ABCA3: variants seen among roughly 807,000 people sequenced by gnomAD.
ABCA3 encodes the protein ATP binding cassette subfamily A member 3.
A neutral mutation model predicts 172.8 loss-of-function variants in ABCA3; 88 were observed. That is an observed-to-expected ratio of 0.51 (90% confidence interval 0.43 to 0.61). The LOEUF (loss-of-function observed/expected upper bound fraction) is 0.61, where lower values mean the gene tolerates loss of function less well. Among genes scored for constraint, ABCA3 ranks in the 20% least tolerant of loss-of-function variants. The probability of loss-of-function intolerance (pLI) is 0.00; values close to 1 mark genes in which losing one functional copy is unlikely to be tolerated. For missense variants in ABCA3, 2,164 were observed against 2,301.0 expected (o/e 0.94, Z 1.22); for synonymous variants, 1,066 against 983.8 (o/e 1.08, Z -1.56).
intron 1 of ABCA3, among the ~76,000 whole-genome samples, chr16:2,333,688 T>A (rs1050542677): frequency 1.3e-3 from 187 of 149,076 alleles, no homozygotes; most frequent in African/African-American, 4.3e-3. Flanking sequence ...AAAATAACAT[T>A]CTTTTTTTTT....
At chr16:2,319,334 A>AAC in intron 8 of ABCA3, among the ~76,000 whole-genome samples, 1 of 152,066 alleles carries the variant, frequency 6.6e-6, no homozygotes, top group Non-Finnish European at 1.5e-5. Flanking sequence ...AAATACAAAA[A>AAC]ATTAGCTGGG....
intron 12 of ABCA3, 134 bp from the exon 13 acceptor site, chr16:2,300,282 T>C: frequency 7.7e-7 from 1 of 1,302,628 alleles, no homozygotes; most frequent in Non-Finnish European, 1.1e-6. Context: ...GAGAAGGCGC[T>C]ACTCAGGGAG....
Position 2,283,543 on chromosome 16 carries a change from A to G in ABCA3, c.3863-185T>C. On this transcript the variant is annotated intron_variant, in intron 25 of 32. Transcript: ENST00000301732. The surrounding 1 kb of genome is among the most constrained non-coding windows in gnomAD (Gnocchi z 5.4). ...AGGCACCACAGCTCAGAGAGGGGCC[A>G]GGCACGTAACAATCCAATGCAGTCC... 3.0e-6 allele frequency: 2 copies of G among 656,556 alleles called. No homozygotes were observed. The highest frequency in any genetic ancestry group is 5.1e-6 in the Non-Finnish European group (2 of 390,852). 40.7% of individuals were successfully genotyped at this position (656,556 alleles called of 1,614,324 possible). A position where few individuals can be genotyped will look rare whatever the true frequency, so the allele number is the denominator to read the frequency against.
chr16:2,314,257 GC>G (rs34251056), intron 10 of ABCA3, among the ~76,000 whole-genome samples: 44,610 of 152,060 alleles, frequency 0.29, 6,733 homozygotes, highest in East Asian at 0.41. Flanking sequence ...ACAAAATGTG[GC>G]CCCATCTACA....
rs2093728389 is a variant in ABCA3 at position 2,322,962 on chromosome 16, A to G, written c.613+561T>C. On this transcript the variant is annotated intron_variant, in intron 7 of 32. Transcript: ENST00000301732. The stretch of plus-strand genomic sequence containing the variant: ...TGAACTCAAATAAATTTACAAGAAA[A>G]AACCAAACAACCCCATCAAAAAGTG... Among the ~76,000 whole-genome samples the G allele has an allele frequency of 2.6e-5, 4 of 152,348 alleles. No homozygotes were observed. In the South Asian group the frequency reaches 8.3e-4, roughly 32 times the overall value.
chr16:2,302,760 C>T (rs1027719580), intron 12 of ABCA3, among the ~76,000 whole-genome samples: 3 of 151,770 alleles, frequency 2.0e-5, no homozygotes, highest in African/African-American at 7.3e-5. Context: ...GCTGGGATTA[C>T]AGGGATGAGC....
intron 3 of ABCA3, among the ~76,000 whole-genome samples, chr16:2,326,967 G>A (rs1266828796): frequency 6.6e-6 from 1 of 151,998 alleles, no homozygotes; most frequent in Non-Finnish European, 1.5e-5. Context: ...CAGCCTGGGG[G>A]CAACAGAGTA....
In ABCA3 at chr16:2,278,340, T is replaced by C. The variant is rs770958266; in HGVS notation, c.4666A>G (p.Thr1556Ala). ...DPVARRLLWD[T>A]VARARESGKA... ...CCAGACTCTCGGGCTCGTGCCACGG[T>C]GTCCCAAAGCAGGCGCCGGGCCACG... is the stretch of plus-strand genomic sequence containing the variant. The change falls in exon 30 of 33, where the codon ACC (threonine) becomes GCC (alanine). Residue 1556 changes from threonine to alanine, a missense_variant. By Grantham distance (58) the Thr-to-Ala change is moderately conservative. Around this residue, in one of 3 missense-constraint regions of ABCA3, gnomAD observed 795 missense variants for 881.9 expected, o/e 0.90. Transcript: ENST00000301732. This position sits in a 1 kb window ranked among gnomAD's most constrained non-coding sequence, Gnocchi z 4.4. The C allele has an allele frequency of 4.2e-5, 67 of 1,611,254 alleles. No individual in the cohort carries two copies. The highest frequency in any genetic ancestry group is 6.7e-5 in the Admixed American group (4 of 59,986).
intron 6 of ABCA3, 123 bp from the exon 7 acceptor site, chr16:2,323,811 T>A: frequency 1.8e-6 from 2 of 1,118,414 alleles, no homozygotes; most frequent in Non-Finnish European, 2.7e-6. Context: ...CCCCCGCCTC[T>A]GAGTATCTCC....
At chr16:2,324,676 T>C (rs2093731565) in intron 5 of ABCA3, 145 bp from the exon 6 acceptor site, 2 of 1,286,342 alleles carry the variant, frequency 1.6e-6, no homozygotes, top group South Asian at 1.3e-5. Context: ...GCAGCTTTCA[T>C]CTTTGGCAGA....
At chr16:2,325,846 G>A (rs564914176) in intron 5 of ABCA3, among the ~76,000 whole-genome samples, 164 bp downstream of exon 5, 15 of 152,298 alleles carry the variant, frequency 9.8e-5, no homozygotes, top group Admixed American at 3.3e-4. Context: ...GAACAGCAGT[G>A]CCTTTTACAG....
At position 2,276,476 on chromosome 16, in the gene ABCA3, G is replaced by A; in HGVS notation, c.*198C>T. The A allele has an allele frequency of 1.1e-6, 1 of 926,706 alleles. No homozygotes were observed. The highest frequency in any genetic ancestry group is 1.6e-6 in the Non-Finnish European group (1 of 608,872). The allele number at this position is 926,706 out of a possible 1,614,324, so 57.4% of individuals were successfully genotyped here. ...GTGAACTCCAGAGTATGCAGACATG[G>A]AGATGCGCATGCTGATCCTGGGCAT... On this transcript the variant is annotated 3_prime_UTR_variant, in exon 33 of 33. Transcript: ENST00000301732.
At chr16:2,310,626 C>T (rs769419701) in intron 10 of ABCA3, among the ~76,000 whole-genome samples, 5 of 151,456 alleles carry the variant, frequency 3.3e-5, no homozygotes, top group Non-Finnish European at 5.9e-5. Flanking sequence ...AAGCGATTCT[C>T]CCACCTCAGC....
At chr16:2,314,872 CTTTTTTTTTTTT>C (rs35616252) in intron 10 of ABCA3, among the ~76,000 whole-genome samples, 6 of 93,472 alleles carry the variant, frequency 6.4e-5, no homozygotes, top group Admixed American at 6.3e-4. Flanking sequence ...AGTGCCTGGT[CTTTTTTTTTTTT>C]TTTTTTTTTT....
chr16:2,286,624 G>A lies in ABCA3; in HGVS notation c.3278+70C>T, dbSNP rs187986122. 1.4e-3 allele frequency: 2,231 copies of A among 1,587,550 alleles called. 6 individuals are homozygous for A. The highest frequency in any genetic ancestry group is 4.0e-3 in the Middle Eastern group (18 of 4,446). On this transcript the variant is annotated intron_variant, in intron 22 of 32. Coordinates refer to ENST00000301732, the MANE Select transcript of ABCA3 (RefSeq NM_001089.3). The surrounding 1 kb of genome is among the most constrained non-coding windows in gnomAD (Gnocchi z 5.2). Reference sequence around the variant, plus strand: ...GACACAATGCTCTATCTATGGGCCCGTGGCAGTGCCCAGGGCAGTCAGTCC... The same window carrying A: ...GACACAATGCTCTATCTATGGGCCCATGGCAGTGCCCAGGGCAGTCAGTCC...
chr16:2,288,377 C>T (rs1400893057), intron 20 of ABCA3, 48 bp from the exon 21 acceptor site: 12 of 1,523,876 alleles, frequency 7.9e-6, no homozygotes, highest in African/African-American at 2.7e-5. Flanking sequence ...TGGGGCCCAG[C>T]GCCTGACCCC....
chr16:2,310,406 CAAAA>C (rs1296541395), intron 10 of ABCA3, among the ~76,000 whole-genome samples: 1 of 147,186 alleles, frequency 6.8e-6, no homozygotes, highest in African/African-American at 2.5e-5. Flanking sequence ...GACTCTGTCT[CAAAA>C]CAAACAAACA....
intron 12 of ABCA3, among the ~76,000 whole-genome samples, chr16:2,301,080 A>G (rs1030173126): frequency 2.6e-5 from 4 of 151,296 alleles, no homozygotes; most frequent in Admixed American, 6.6e-5. Context: ...AATACAAAAA[A>G]ATTAGCCGGG....
In ABCA3 at chr16:2,298,404, G is replaced by A. The variant is rs267604459; in HGVS notation, c.1878C>T (p.His626=). The part of the protein sequence containing the change: ...ILFDNLTVAE[H]LYFYAQLKGL... ...AACTCACCTGGGCGTAGAAATAAAG[G>A]TGCTCTGCGACTGTCAAGTTGTCAA... Residue 626 remains histidine (H), a synonymous_variant, in exon 15 of 33, where the codon CAC becomes CAT. Coordinates refer to ENST00000301732, the MANE Select transcript of ABCA3 (RefSeq NM_001089.3). 1 of 1,614,074 alleles carries A rather than the reference G, an allele frequency of 6.2e-7. No individual in the cohort carries two copies. The highest frequency in any genetic ancestry group is 8.5e-7 in the Non-Finnish European group (1 of 1,180,010).
Sources: gnomAD v4.1 joint callset for allele counts (sites outside exome capture counted in the v4.1 genomes callset) on GRCh38, gnomAD v4.1.1 for gene constraint, gnomAD v4.1.1 regional missense constraint, Gnocchi (gnomAD v3.1) non-coding constraint, MANE v1.5 for transcripts, NCBI Gene and HGNC (gene_info 2026-07-23, HGNC 2026-07-21) for gene names.